PCP4L1: variants seen among roughly 807,000 people sequenced by gnomAD.
The protein encoded by PCP4L1 is Purkinje cell protein 4-like protein 1.
PCP4L1 carries 9 observed loss-of-function variants against 9.6 expected under a neutral mutation model. That is an observed-to-expected ratio of 0.94 (90% CI 0.57 to 1.64). The LOEUF is 1.64. PCP4L1 is among the 40% of genes most tolerant of loss of function. PCP4L1 has a pLI of 0.00. For synonymous variants in PCP4L1, 31 were observed against 28.2 expected, an observed-to-expected ratio of 1.10 and a Z score of -0.31; for missense variants, 81 against 80.8, an observed-to-expected ratio of 1.00 and a Z score of -0.01.
intron 1 of PCP4L1, among the ~76,000 whole-genome samples, chr1:161,266,306 G>A (rs1669529626): frequency 6.6e-6 from 1 of 152,114 alleles, no homozygotes; most frequent in Non-Finnish European, 1.5e-5. Flanking sequence ...CGTTTATTTT[G>A]GGACATTAAC....
intron 1 of PCP4L1, among the ~76,000 whole-genome samples, chr1:161,263,314 T>C (rs1225726530): frequency 6.6e-6 from 1 of 152,206 alleles, no homozygotes; most frequent in African/African-American, 2.4e-5. Context: ...CTCGGCTCGC[T>C]GCAACCTCCA....
chr1:161,282,020 G>C (rs181880659), intron 1 of PCP4L1, among the ~76,000 whole-genome samples: 1 of 152,190 alleles, frequency 6.6e-6, no homozygotes, highest in East Asian at 1.9e-4. Flanking sequence ...CGGCACTTTG[G>C]GAGGCCAAGG....
At chr1:161,273,720 G>A (rs1264468703) in intron 1 of PCP4L1, among the ~76,000 whole-genome samples, 1 of 152,190 alleles carries the variant, frequency 6.6e-6, no homozygotes, top group Non-Finnish European at 1.5e-5. Context: ...ACCAGAATCA[G>A]GGTGATTAGA....
intron 1 of PCP4L1, among the ~76,000 whole-genome samples, chr1:161,259,211 T>G (rs756187573): frequency 6.6e-6 from 1 of 152,076 alleles, no homozygotes; most frequent in Non-Finnish European, 1.5e-5. Context: ...TTGGGGGTAA[T>G]TGGAATCGGC....
intron 1 of PCP4L1, among the ~76,000 whole-genome samples, chr1:161,276,356 A>G (rs1231234267): frequency 2.0e-5 from 3 of 152,082 alleles, no homozygotes; most frequent in Non-Finnish European, 4.4e-5. Flanking sequence ...TTTCAGGAAC[A>G]CCTTTATGTA....
intron 1 of PCP4L1, among the ~76,000 whole-genome samples, 191 bp from the exon 2 acceptor site, chr1:161,283,477 C>G (rs1265251536): frequency 1.3e-5 from 2 of 152,166 alleles, no homozygotes; most frequent in Non-Finnish European, 2.9e-5. Flanking sequence ...TTTCTAGCAT[C>G]AGTAAATCTT....
intron 1 of PCP4L1, among the ~76,000 whole-genome samples, chr1:161,272,186 C>CTTTTTTT (rs11365328): frequency 6.9e-6 from 1 of 145,394 alleles, no homozygotes; most frequent in African/African-American, 2.5e-5. Flanking sequence ...GGGGTAATCC[C>CTTTTTTT]TTTTTTTTTT....
Position 161,284,363 on chromosome 1 carries a change from CGGAGGA to C in PCP4L1, c.100_105del (p.Glu34_Glu35del), listed in dbSNP as rs750477432. The C allele has an allele frequency of 6.2e-7, 1 of 1,613,640 alleles. No individual in the cohort carries two copies. The highest frequency in any genetic ancestry group is 8.5e-7 in the Non-Finnish European group (1 of 1,179,798). On this transcript the variant is annotated inframe_deletion, in exon 3 of 3. Transcript: ENST00000504449. ...GGAAAAGCTGGCAATGTCAAGAAGG[CGGAGGA>C]GGAGGAGGAGATTGACATTGATCTG...
intron 1 of PCP4L1, among the ~76,000 whole-genome samples, chr1:161,260,130 A>C (rs1669392003): frequency 6.6e-6 from 1 of 152,234 alleles, no homozygotes; most frequent in South Asian, 2.1e-4. Flanking sequence ...CAAAGACATT[A>C]GATTACTGAA....
At chr1:161,271,268 C>T (rs1669620998) in intron 1 of PCP4L1, among the ~76,000 whole-genome samples, 1 of 152,086 alleles carries the variant, frequency 6.6e-6, no homozygotes, top group Non-Finnish European at 1.5e-5. Context: ...GGTGATATCT[C>T]ATTGTGGTTT....
intron 1 of PCP4L1, among the ~76,000 whole-genome samples, chr1:161,281,509 G>A (rs1406897254): frequency 7.3e-5 from 11 of 150,878 alleles, no homozygotes; most frequent in Admixed American, 5.3e-4. Flanking sequence ...CTGGCCGGGC[G>A]GGGGCTGACC....
In PCP4L1 at chr1:161,284,822, G is replaced by T. The variant is rs953223146; in HGVS notation, c.*341G>T. The T allele has an allele frequency of 1.1e-5, 3 of 282,962 alleles. No homozygotes were observed. Among genetic ancestry groups the T allele is most frequent in the African/African-American group, 2.1e-5 (1 of 46,826 alleles). 17.5% of individuals were successfully genotyped at this position (282,962 alleles called of 1,614,324 possible). On this transcript the variant is annotated 3_prime_UTR_variant, in exon 3 of 3. Coordinates refer to ENST00000504449, the MANE Select transcript of PCP4L1 (RefSeq NM_001102566.2). ...AGAACAATGTGGGAAGGAGGGGAAG[G>T]CTTTCAGAGTAGGGTGCCTGAGGGT... is the stretch of plus-strand genomic sequence containing the variant.
intron 1 of PCP4L1, among the ~76,000 whole-genome samples, chr1:161,261,423 T>C (rs1043395811): frequency 6.6e-6 from 1 of 152,168 alleles, no homozygotes; most frequent in Middle Eastern, 3.2e-3. Flanking sequence ...TGTGTGTGCG[T>C]TCGTGCACGA....
intron 1 of PCP4L1, among the ~76,000 whole-genome samples, chr1:161,268,740 G>A (rs901579797): frequency 6.6e-6 from 1 of 151,834 alleles, no homozygotes; most frequent in African/African-American, 2.4e-5. Context: ...GTAGAGGTGG[G>A]GTTTCACCAT....
chr1:161,270,893 A>G (rs1180235224), intron 1 of PCP4L1, among the ~76,000 whole-genome samples: 3 of 147,310 alleles, frequency 2.0e-5, no homozygotes, highest in Non-Finnish European at 4.5e-5. Flanking sequence ...AAAAAAAAAG[A>G]GACCCCAAAG....
At chr1:161,265,732 C>CTTTT (rs869123262) in intron 1 of PCP4L1, among the ~76,000 whole-genome samples, 10 of 76,708 alleles carry the variant, frequency 1.3e-4, no homozygotes, top group South Asian at 9.9e-4. Context: ...TCCAAAACCA[C>CTTTT]TTTTTTTTTT....
chr1:161,265,999 CA>C (rs894109466), intron 1 of PCP4L1, among the ~76,000 whole-genome samples: 4 of 151,980 alleles, frequency 2.6e-5, no homozygotes, highest in Non-Finnish European at 5.9e-5. Flanking sequence ...CTCGGCCTCC[CA>C]AAGTGCTGGG....
intron 1 of PCP4L1, among the ~76,000 whole-genome samples, chr1:161,282,502 A>T (rs1669840450): frequency 6.6e-6 from 1 of 151,706 alleles, no homozygotes. Context: ...CTCTATCTGA[A>T]CTCAGTTTCT....
rs1200523705 is a variant in PCP4L1, at chr1:161,275,991, C to T, written c.10-7677C>T. Among the ~76,000 whole-genome samples, 9 of 151,988 alleles carry T rather than the reference C, an allele frequency of 5.9e-5. No individual in the cohort carries two copies. The East Asian group carries it at 9.7e-4, about 16-fold the overall frequency. The stretch of plus-strand genomic sequence containing the variant: ...TGTGTTTTTAGTAGAGATGGGGTTT[C>T]GCCATGTTGGCCAGGCTGGTCTCGA... On this transcript the variant is annotated intron_variant, in intron 1 of 2. Transcript: ENST00000504449.
Sources: gnomAD v4.1 joint callset for allele counts (sites outside exome capture counted in the v4.1 genomes callset) on GRCh38, gnomAD v4.1.1 for gene constraint, MANE v1.5 for transcripts, NCBI Gene and HGNC (gene_info 2026-07-23, HGNC 2026-07-21) for gene names.